CNTNAP2: variants seen among roughly 807,000 people sequenced by gnomAD.
CNTNAP2 encodes the protein contactin associated protein 2.
Under a neutral mutation model 155.2 loss-of-function variants are expected in CNTNAP2, and 98 were observed. That is an observed-to-expected ratio of 0.63 (90% CI 0.54 to 0.75). The LOEUF (loss-of-function observed/expected upper bound fraction) is 0.75, where lower values mean the gene tolerates loss of function less well. CNTNAP2 is among the 30% of genes least tolerant of loss of function. The pLI is 0.00. For missense variants in CNTNAP2, 1,727 were observed against 1,688.1 expected (o/e 1.02, Z -0.40); for synonymous variants, 651 against 631.2 (o/e 1.03, Z -0.47).
chr7:147,731,186 C>T (rs1272981817), intron 13 of CNTNAP2, among the ~76,000 whole-genome samples: 4 of 152,116 alleles, frequency 2.6e-5, no homozygotes, highest in African/African-American at 9.7e-5. Flanking sequence ...GGCAGCTATA[C>T]TAAACAACAG....
At chr7:147,408,751 C>T (rs952372200) in intron 10 of CNTNAP2, among the ~76,000 whole-genome samples, 1 of 152,010 alleles carries the variant, frequency 6.6e-6, no homozygotes, top group Non-Finnish European at 1.5e-5. Context: ...GAGCGAGACT[C>T]CATCTCAATA....
At chr7:147,057,562 C>T (rs1799585392) in intron 4 of CNTNAP2, among the ~76,000 whole-genome samples, 1 of 152,122 alleles carries the variant, frequency 6.6e-6, no homozygotes, top group African/African-American at 2.4e-5. Context: ...AGGGCTGTCT[C>T]GTACACTGGA....
intron 14 of CNTNAP2, among the ~76,000 whole-genome samples, chr7:147,924,294 A>T (rs1170931296): frequency 6.6e-6 from 1 of 151,710 alleles, no homozygotes; most frequent in Non-Finnish European, 1.5e-5. Context: ...ATGTACCACA[A>T]TGCCCGGCTA....
intron 1 of CNTNAP2, among the ~76,000 whole-genome samples, chr7:146,701,596 A>G (rs1800879168): frequency 6.6e-6 from 1 of 152,178 alleles, no homozygotes; most frequent in Admixed American, 6.6e-5. Flanking sequence ...TATCATCAAT[A>G]ATTTCAATCC....
At chr7:147,916,984 A>C (rs566591967) in intron 14 of CNTNAP2, among the ~76,000 whole-genome samples, 14 of 152,312 alleles carry the variant, frequency 9.2e-5, no homozygotes, top group South Asian at 2.1e-4. Flanking sequence ...TTTTCCATAC[A>C]TGGATTCTGT....
intron 21 of CNTNAP2, among the ~76,000 whole-genome samples, chr7:148,319,368 T>C (rs112405413): frequency 3.3e-5 from 5 of 152,176 alleles, no homozygotes; most frequent in African/African-American, 1.2e-4. Flanking sequence ...TTTTTATAAT[T>C]TTTCAATATA....
At chr7:146,235,979 T>TGC (rs1554405754) in intron 1 of CNTNAP2, among the ~76,000 whole-genome samples, 13 of 139,188 alleles carry the variant, frequency 9.3e-5, no homozygotes, top group African/African-American at 1.5e-4. Context: ...TGTGTGTGTG[T>TGC]GCGCGCGTAT....
At chr7:147,283,828 T>C (rs1805110522) in intron 8 of CNTNAP2, among the ~76,000 whole-genome samples, 1 of 151,890 alleles carries the variant, frequency 6.6e-6, no homozygotes, top group African/African-American at 2.4e-5. Flanking sequence ...GAATTCCCTT[T>C]CAGATTTTAC....
At chr7:147,891,886 T>A (rs1470210817) in intron 13 of CNTNAP2, among the ~76,000 whole-genome samples, 1 of 152,086 alleles carries the variant, frequency 6.6e-6, no homozygotes. Context: ...TAGGCCAAAG[T>A]CATTCATGAA....
chr7:146,795,565 G>A (rs985943440), intron 2 of CNTNAP2, among the ~76,000 whole-genome samples: 1 of 152,166 alleles, frequency 6.6e-6, no homozygotes, highest in Non-Finnish European at 1.5e-5. Flanking sequence ...CTTGAGATAA[G>A]TCACATGTCA....
chr7:146,550,061 T>G (rs569923532), intron 1 of CNTNAP2, among the ~76,000 whole-genome samples: 2 of 152,194 alleles, frequency 1.3e-5, no homozygotes, highest in East Asian at 3.9e-4. Context: ...TCAAAAGCAA[T>G]CACTTCCAGG....
intron 12 of CNTNAP2, 38 bp downstream of exon 12, chr7:147,562,295 T>C (rs752746423): frequency 6.2e-7 from 1 of 1,612,198 alleles, no homozygotes; most frequent in Non-Finnish European, 8.5e-7. Context: ...AAGATGCTTT[T>C]CTATATGTCA....
At chr7:146,578,354 C>A (rs1369848741) in intron 1 of CNTNAP2, among the ~76,000 whole-genome samples, 1 of 152,074 alleles carries the variant, frequency 6.6e-6, no homozygotes, top group Non-Finnish European at 1.5e-5. Flanking sequence ...TATTTAATTT[C>A]TTATTATACA....
At chr7:148,053,586 G>A (rs375505920) in intron 15 of CNTNAP2, among the ~76,000 whole-genome samples, 31 of 152,198 alleles carry the variant, frequency 2.0e-4, no homozygotes, top group East Asian at 1.2e-3. Flanking sequence ...TTTGTAGTAC[G>A]ATAAATATTT....
At chr7:146,844,964 T>G (rs561878791) in intron 3 of CNTNAP2, among the ~76,000 whole-genome samples, 1 of 152,238 alleles carries the variant, frequency 6.6e-6, no homozygotes, top group Non-Finnish European at 1.5e-5. Context: ...GGTTAGATAC[T>G]TATCAAGAAT....
chr7:147,743,337 C>T (rs1796982747), intron 13 of CNTNAP2, among the ~76,000 whole-genome samples: 2 of 152,022 alleles, frequency 1.3e-5, no homozygotes, highest in South Asian at 4.2e-4. Flanking sequence ...AATTAAGATC[C>T]CTAAGTAAGT....
intron 1 of CNTNAP2, among the ~76,000 whole-genome samples, chr7:146,574,529 C>T (rs1038245805): frequency 3.9e-5 from 6 of 152,006 alleles, no homozygotes; most frequent in African/African-American, 1.2e-4. Flanking sequence ...GGTGAGACTC[C>T]GTCTCTACTA....
At chr7:148,140,108 G>A (rs1229139083) in intron 16 of CNTNAP2, among the ~76,000 whole-genome samples, 1 of 152,218 alleles carries the variant, frequency 6.6e-6, no homozygotes, top group East Asian at 1.9e-4. Context: ...TAGAAGCACA[G>A]ATGGCAGAGT....
chr7:146,159,389 A>G (rs989029288), intron 1 of CNTNAP2, among the ~76,000 whole-genome samples: 2 of 152,214 alleles, frequency 1.3e-5, no homozygotes, highest in African/African-American at 4.8e-5. Flanking sequence ...CACACATAAC[A>G]ATATTAACCT....
Sources: gnomAD v4.1 joint callset for allele counts (sites outside exome capture counted in the v4.1 genomes callset) on GRCh38, gnomAD v4.1.1 for gene constraint, MANE v1.5 for transcripts, NCBI Gene and HGNC (gene_info 2026-07-23, HGNC 2026-07-21) for gene names.